The following GPC5 variants were observed in gnomAD, a reference collection of about 807,000 sequenced individuals.
GPC5 encodes glypican 5.
A neutral mutation model predicts 53.9 loss-of-function variants in GPC5; 47 were observed. The observed-to-expected ratio is 0.87, with a 90% CI of 0.69 to 1.11. The LOEUF (loss-of-function observed/expected upper bound fraction) is 1.11, where lower values mean the gene tolerates loss of function less well. Ranked by LOEUF, GPC5 falls within the 50% of genes most tolerant of loss-of-function variation. GPC5 has a pLI of 0.00. For synonymous variants in GPC5, 286 were observed against 263.3 expected, an observed-to-expected ratio of 1.09 and a Z score of -0.84; for missense variants, 748 against 713.1, an observed-to-expected ratio of 1.05 and a Z score of -0.56.
intron 7 of GPC5, among the ~76,000 whole-genome samples, chr13:92,851,595 A>G (rs1401083660): frequency 6.6e-6 from 1 of 152,030 alleles, no homozygotes; most frequent in East Asian, 1.9e-4. Flanking sequence ...GAATGGCCAT[A>G]AGCCGGTCGG....
At chr13:92,145,824 T>A (rs536997328) in intron 7 of GPC5, among the ~76,000 whole-genome samples, 1 of 152,286 alleles carries the variant, frequency 6.6e-6, no homozygotes, top group South Asian at 2.1e-4. Flanking sequence ...ATGTAGAGGT[T>A]GGTCTGATAG....
intron 7 of GPC5, among the ~76,000 whole-genome samples, chr13:92,365,231 G>A (rs35887629): frequency 0.01 from 1,540 of 151,804 alleles, 31 homozygotes; most frequent in Middle Eastern, 0.048. Flanking sequence ...TGCATAGTAC[G>A]TTATTGTACT....
rs148311472 is a variant in GPC5, at chr13:91,887,897, C to T, written c.1281-20040C>T. Among the ~76,000 whole-genome samples the T allele has an allele frequency of 2.6e-5, 4 of 152,306 alleles. No homozygotes were observed. In the East Asian group the frequency reaches 7.7e-4, roughly 29 times the overall value. Reference sequence around the variant, plus strand: ...CTCTAGGAAGTTCCAAACTTTCCCACATTTTTCTGTCTTCTTCTGAACCCT... The same window carrying T: ...CTCTAGGAAGTTCCAAACTTTCCCATATTTTTCTGTCTTCTTCTGAACCCT... On this transcript the variant is annotated intron_variant, in intron 5 of 7. Transcript: ENST00000377067.
chr13:92,401,964 T>C (rs1875577876), intron 7 of GPC5, among the ~76,000 whole-genome samples: 1 of 152,182 alleles, frequency 6.6e-6, no homozygotes, highest in South Asian at 2.1e-4. Flanking sequence ...ATAATTTGAA[T>C]GCTCTGTTTG....
chr13:92,308,925 A>G (rs1219368372), intron 7 of GPC5, among the ~76,000 whole-genome samples: 1 of 152,142 alleles, frequency 6.6e-6, no homozygotes, highest in Non-Finnish European at 1.5e-5. Flanking sequence ...TGTGTGATCC[A>G]TCTTTAAAGG....
At chr13:92,186,228 CA>C (rs2042182908) in intron 7 of GPC5, among the ~76,000 whole-genome samples, 2 of 151,638 alleles carry the variant, frequency 1.3e-5, no homozygotes. Context: ...TAATTTTTAA[CA>C]AATAAGTTGT....
chr13:92,532,738 C>A (rs528001846), intron 7 of GPC5, among the ~76,000 whole-genome samples: 64 of 152,240 alleles, frequency 4.2e-4, no homozygotes, highest in African/African-American at 1.5e-3. Context: ...CAGGTCCAAA[C>A]CTCTCCATTG....
intron 3 of GPC5, among the ~76,000 whole-genome samples, chr13:91,706,012 C>T (rs1336322932): frequency 6.6e-6 from 1 of 151,464 alleles, no homozygotes; most frequent in African/African-American, 2.4e-5. Context: ...TCCCTGGTAG[C>T]TGGGATTATA....
At chr13:91,830,389 A>T (rs1331387521) in intron 5 of GPC5, among the ~76,000 whole-genome samples, 1 of 151,920 alleles carries the variant, frequency 6.6e-6, no homozygotes, top group Admixed American at 6.6e-5. Flanking sequence ...ATGCTCTACA[A>T]TTTGTGCAGT....
intron 7 of GPC5, among the ~76,000 whole-genome samples, chr13:92,449,463 T>G (rs1341808781): frequency 5.3e-5 from 8 of 152,168 alleles, no homozygotes; most frequent in Admixed American, 5.2e-4. Flanking sequence ...ATACTTTATG[T>G]TTAAATATGA....
intron 7 of GPC5, among the ~76,000 whole-genome samples, chr13:92,752,071 A>T (rs993608871): frequency 6.6e-6 from 1 of 152,116 alleles, no homozygotes; most frequent in African/African-American, 2.4e-5. Context: ...ACCTTGAAAA[A>T]AAAAAAAAGC....
intron 7 of GPC5, among the ~76,000 whole-genome samples, chr13:92,698,066 A>G (rs909402186): frequency 6.6e-6 from 1 of 152,146 alleles, no homozygotes; most frequent in Non-Finnish European, 1.5e-5. Context: ...ATCATGGTGG[A>G]TAAGCTTTTT....
intron 7 of GPC5, among the ~76,000 whole-genome samples, chr13:92,595,595 C>T (rs1237053617): frequency 6.6e-6 from 1 of 151,252 alleles, no homozygotes; most frequent in Admixed American, 6.6e-5. Context: ...GGTGAAACCC[C>T]GTCTCTACTG....
At chr13:91,849,762 A>G (rs967661396) in intron 5 of GPC5, among the ~76,000 whole-genome samples, 1 of 152,226 alleles carries the variant, frequency 6.6e-6, no homozygotes, top group Non-Finnish European at 1.5e-5. Context: ...TTTTATGCTT[A>G]ATATCATCTG....
intron 2 of GPC5, among the ~76,000 whole-genome samples, chr13:91,483,335 G>A (rs142887859): frequency 2.3e-4 from 35 of 152,254 alleles, no homozygotes; most frequent in East Asian, 9.6e-4. Context: ...GTATGTTAGC[G>A]CTGGAATTGT....
At chr13:92,006,734 A>AAG (rs754270899) in intron 6 of GPC5, among the ~76,000 whole-genome samples, 13 of 152,126 alleles carry the variant, frequency 8.5e-5, no homozygotes, top group African/African-American at 2.9e-4. Context: ...TATGAAAATG[A>AAG]AGAGAGAGAG....
At chr13:92,402,353 T>C (rs376159746) in intron 7 of GPC5, among the ~76,000 whole-genome samples, 20 of 152,332 alleles carry the variant, frequency 1.3e-4, no homozygotes, top group African/African-American at 4.6e-4. Context: ...TAGAACCTTT[T>C]TTTCTCTTTC....
At chr13:92,000,397 A>G (rs911101045) in intron 6 of GPC5, among the ~76,000 whole-genome samples, 1 of 152,082 alleles carries the variant, frequency 6.6e-6, no homozygotes, top group African/African-American at 2.4e-5. Flanking sequence ...TTTAGGTGAG[A>G]CACATCTTCT....
intron 5 of GPC5, among the ~76,000 whole-genome samples, chr13:91,761,807 A>T (rs536800108): frequency 4.6e-5 from 7 of 152,196 alleles, no homozygotes; most frequent in Admixed American, 3.3e-4. Context: ...AGACTTCATT[A>T]TGGAGACAAC....
Sources: allele counts gnomAD v4.1 joint callset (sites outside exome capture counted in the v4.1 genomes callset), GRCh38; gene constraint gnomAD v4.1.1; transcripts MANE v1.5; gene names NCBI Gene and HGNC (gene_info 2026-07-23, HGNC 2026-07-21).